The following FARS2 variants were observed in gnomAD, a reference collection of about 807,000 sequenced individuals.
The protein encoded by FARS2 is phenylalanine--tRNA ligase, mitochondrial.
Under a neutral mutation model 46.4 loss-of-function variants are expected in FARS2, and 40 were observed. The ratio of observed to expected loss-of-function variants is 0.86; its 90% CI spans 0.67 to 1.12. The LOEUF is 1.12. FARS2 is among the 50% of genes most tolerant of loss of function. The pLI is 0.00. For missense variants in FARS2, 513 were observed against 567.9 expected (o/e 0.90, Z 0.98); for synonymous variants, 234 against 214.9 (o/e 1.09, Z -0.78).
intron 5 of FARS2, among the ~76,000 whole-genome samples, chr6:5,547,166 G>A (rs1341672085): frequency 6.6e-6 from 1 of 151,972 alleles, no homozygotes. Context: ...TGGCCAGGCT[G>A]GTCTCAAACT....
At chr6:5,387,869 A>G (rs981410555) in intron 2 of FARS2, among the ~76,000 whole-genome samples, 3 of 152,200 alleles carry the variant, frequency 2.0e-5, no homozygotes, top group Non-Finnish European at 4.4e-5. Context: ...AGAGGAGTAT[A>G]TTGTCTCTAT....
chr6:5,505,564 G>A (rs1172291414), intron 4 of FARS2, among the ~76,000 whole-genome samples: 4 of 152,194 alleles, frequency 2.6e-5, no homozygotes, highest in African/African-American at 9.7e-5. Flanking sequence ...TTAATTTGGG[G>A]AACTAATAAA....
intron 4 of FARS2, among the ~76,000 whole-genome samples, chr6:5,516,238 A>G (rs1215856592): frequency 1.3e-5 from 2 of 152,190 alleles, no homozygotes; most frequent in Non-Finnish European, 2.9e-5. Flanking sequence ...ACTTTCACAC[A>G]TACTTTATTG....
rs773138786 is a variant in FARS2 at position 5,263,373 on chromosome 6, TTC to T, written c.-22+1715_-22+1716del. ...GGAAAGTGATAGGCTTCCCAGTTAA[TTC>T]TGAGCCAAGTCTTCATAAAAATACC... On this transcript the variant is annotated intron_variant, in intron 1 of 6. Transcript: ENST00000274680. Among the ~76,000 whole-genome samples the T allele has an allele frequency of 6.7e-4, 102 of 152,362 alleles. 1 individual carries two copies. Among genetic ancestry groups the T allele is most frequent in the Non-Finnish European group, 1.3e-3 (89 of 68,040 alleles).
chr6:5,604,620 T>A (rs992279058), intron 5 of FARS2, among the ~76,000 whole-genome samples: 1 of 152,216 alleles, frequency 6.6e-6, no homozygotes, highest in Non-Finnish European at 1.5e-5. Context: ...TTTTTAAATT[T>A]AAATAAACAT....
chr6:5,443,622 G>C (rs1482545038), intron 4 of FARS2, among the ~76,000 whole-genome samples: 1 of 152,218 alleles, frequency 6.6e-6, no homozygotes, highest in Non-Finnish European at 1.5e-5. Flanking sequence ...AGCATGTGGA[G>C]TGGACCCGAA....
chr6:5,488,682 A>G lies in FARS2; in HGVS notation c.905-56498A>G. On this transcript the variant is annotated intron_variant, in intron 4 of 6. Coordinates refer to ENST00000274680, the MANE Select transcript of FARS2 (RefSeq NM_006567.5). ...TTGTTGAATTTGAGGTGCCTCTTAG[A>G]AATCTCGTGTCTTTGCAGAACTTCA... Among the ~76,000 whole-genome samples, 2 of 134,472 alleles carry G rather than the reference A, an allele frequency of 1.5e-5. 1 individual carries two copies. The highest frequency in any genetic ancestry group is 3.3e-5 in the Non-Finnish European group (2 of 59,804). 88.2% of individuals were successfully genotyped at this position (134,472 alleles called of 152,430 possible). A position where few individuals can be genotyped will look rare whatever the true frequency, so the allele number is the denominator to read the frequency against.
At chr6:5,523,602 T>C (rs1051118243) in intron 4 of FARS2, among the ~76,000 whole-genome samples, 6 of 152,178 alleles carry the variant, frequency 3.9e-5, no homozygotes, top group South Asian at 2.1e-4. Flanking sequence ...GCTCAGCCGC[T>C]GCATCAGACC....
intron 6 of FARS2, among the ~76,000 whole-genome samples, chr6:5,687,532 G>A (rs1757333526): frequency 6.6e-6 from 1 of 152,062 alleles, no homozygotes. Flanking sequence ...TATTTCTGAG[G>A]GCTCTGTTCT....
At chr6:5,475,934 C>CA (rs1353534496) in intron 4 of FARS2, among the ~76,000 whole-genome samples, 1 of 152,176 alleles carries the variant, frequency 6.6e-6, no homozygotes, top group African/African-American at 2.4e-5. Flanking sequence ...TTCTGTAACT[C>CA]AGGGAAGGTG....
intron 5 of FARS2, among the ~76,000 whole-genome samples, chr6:5,545,933 G>A (rs1415613911): frequency 6.6e-6 from 1 of 152,082 alleles, no homozygotes; most frequent in Admixed American, 6.5e-5. Context: ...TTCGAGACCA[G>A]CCTAGTCAAC....
At chr6:5,552,722 A>G (rs926602832) in intron 5 of FARS2, among the ~76,000 whole-genome samples, 2 of 152,250 alleles carry the variant, frequency 1.3e-5, no homozygotes, top group Admixed American at 6.5e-5. Context: ...TGCTTTGCCT[A>G]CCACGGCTTT....
intron 3 of FARS2, among the ~76,000 whole-genome samples, chr6:5,417,277 C>T (rs1367865744): frequency 4.6e-5 from 7 of 152,028 alleles, no homozygotes; most frequent in African/African-American, 1.4e-4. Context: ...AGTGCAATGG[C>T]GTGATCATGG....
At chr6:5,705,743 C>T (rs1047255404) in intron 6 of FARS2, among the ~76,000 whole-genome samples, 1 of 152,158 alleles carries the variant, frequency 6.6e-6, no homozygotes, top group Admixed American at 6.5e-5. Context: ...TTCTTGAACA[C>T]CTCCATGCAC....
chr6:5,260,528 C>G, upstream of FARS2: 6 of 1,377,456 alleles, frequency 4.4e-6, no homozygotes, highest in Non-Finnish European at 5.9e-6. Context: ...CGGTCCTTGC[C>G]TCGCAGCCGC....
At position 5,281,812 on chromosome 6, in the gene FARS2, G is replaced by A. The variant is rs148469217; in HGVS notation, c.-22+20152G>A. On this transcript the variant is annotated intron_variant, in intron 1 of 6. Coordinates refer to ENST00000274680, the MANE Select transcript of FARS2 (RefSeq NM_006567.5). Reference sequence around the variant, plus strand: ...AATTGCCTTGTATTGGGAAATGGTAGACACTTCTCGAGGACCTGAAACCAT... The same window carrying A: ...AATTGCCTTGTATTGGGAAATGGTAAACACTTCTCGAGGACCTGAAACCAT... Among the ~76,000 whole-genome samples, 310 of 152,264 alleles carry A rather than the reference G, an allele frequency of 2.0e-3. 2 individuals are homozygous for A. Among genetic ancestry groups the A allele is most frequent in the African/African-American group, 7.2e-3 (301 of 41,548 alleles).
intron 6 of FARS2, among the ~76,000 whole-genome samples, chr6:5,682,260 T>C (rs1779072946): frequency 6.6e-6 from 1 of 152,044 alleles, no homozygotes; most frequent in Non-Finnish European, 1.5e-5. Context: ...GTTACAACAA[T>C]GTAAAAATAT....
At chr6:5,586,620 A>G (rs899329476) in intron 5 of FARS2, among the ~76,000 whole-genome samples, 5 of 152,120 alleles carry the variant, frequency 3.3e-5, no homozygotes, top group African/African-American at 4.8e-5. Flanking sequence ...TTTTGCATCC[A>G]TGTTCATTAG....
chr6:5,438,255 C>T (rs983164656), intron 4 of FARS2, among the ~76,000 whole-genome samples: 4 of 86,280 alleles, frequency 4.6e-5, no homozygotes, highest in Admixed American at 3.4e-4. Flanking sequence ...CGCCCCCCCC[C>T]CCATTTTTGT....
Sources: allele counts gnomAD v4.1 joint callset (sites outside exome capture counted in the v4.1 genomes callset), GRCh38; gene constraint gnomAD v4.1.1; transcripts MANE v1.5; gene names NCBI Gene and HGNC (gene_info 2026-07-23, HGNC 2026-07-21).